Variants in PHACTR2 observed in about 807,000 individuals in gnomAD.
The protein encoded by PHACTR2 is phosphatase and actin regulator 2.
In PHACTR2, 30 loss-of-function variants were observed where a neutral mutation model predicts 76.0. That is an observed-to-expected ratio of 0.39 (90% confidence interval 0.30 to 0.54). The LOEUF is 0.54. Ranked by LOEUF, PHACTR2 falls within the 20% of genes least tolerant of loss-of-function variation. The probability of loss-of-function intolerance (pLI) is 0.61; values close to 1 mark genes in which losing one functional copy is unlikely to be tolerated. For synonymous variants in PHACTR2, 292 were observed against 292.5 expected (o/e 1.00, Z 0.02); for missense variants, 696 against 781.1 (o/e 0.89, Z 1.30).
At chr6:143,725,421 C>T (rs1421218268) in intron 2 of PHACTR2, among the ~76,000 whole-genome samples, 5 of 149,634 alleles carry the variant, frequency 3.3e-5, no homozygotes, top group Admixed American at 6.6e-5. Flanking sequence ...AGGATGGTCT[C>T]GATCTCCTGA....
At chr6:143,718,453 C>T (rs1160517938) in intron 2 of PHACTR2, among the ~76,000 whole-genome samples, 4 of 152,208 alleles carry the variant, frequency 2.6e-5, no homozygotes, top group East Asian at 3.8e-4. Flanking sequence ...CCAGTACTTT[C>T]GACCATTCAC....
rs1157050398 is a variant in PHACTR2, at chr6:143,659,558, C to T, written c.13+51236C>T. ...GTGAGTGGGAGGTTGCCCTCTGTTC[C>T]TTGTCCTTTCCATGTGGCAGCTCAC... On this transcript the variant is annotated intron_variant, in intron 1 of 11. Coordinates refer to the PHACTR2 transcript ENST00000305766. The surrounding 1 kb of genome is among the most constrained non-coding windows in gnomAD (Gnocchi z 5.0). Among the ~76,000 whole-genome samples, 3 of 152,186 alleles carry T rather than the reference C, an allele frequency of 2.0e-5. No individual in the cohort carries two copies.
At chr6:143,810,831 CAA>C (rs750421924) in intron 12 of PHACTR2, among the ~76,000 whole-genome samples, 2 of 132,540 alleles carry the variant, frequency 1.5e-5, no homozygotes, top group Non-Finnish European at 1.6e-5. Flanking sequence ...GACCCTGTCT[CAA>C]AAAAAAAAAA....
At chr6:143,584,493 A>G (rs1341061458) in intron 1 of PHACTR2, among the ~76,000 whole-genome samples, 1 of 152,224 alleles carries the variant, frequency 6.6e-6, no homozygotes, top group African/African-American at 2.4e-5. Flanking sequence ...CCCTATAGTC[A>G]TGACATCAGA....
At chr6:143,604,743 G>A (rs573641031), upstream of PHACTR2, among the ~76,000 whole-genome samples, 78 of 151,938 alleles carry the variant, frequency 5.1e-4, no homozygotes, top group African/African-American at 1.8e-3. Context: ...TAGCCAGGCG[G>A]TGGTGATTAC....
chr6:143,607,756 C>T (rs1251143526), upstream of PHACTR2, among the ~76,000 whole-genome samples: 2 of 152,164 alleles, frequency 1.3e-5, no homozygotes, highest in East Asian at 3.9e-4. Context: ...TGCCTCCTCC[C>T]CCAACAACAA....
In PHACTR2 at chr6:143,616,496, C is replaced by T. The variant is rs918463161; in HGVS notation, c.13+8174C>T. ...CATTTGTACCTTCATTCTTGCTGTT[C>T]TTCCCACCTAGAACGCCTTCTCCTC... On this transcript the variant is annotated intron_variant, in intron 1 of 11. Transcript: ENST00000305766. The surrounding 1 kb of genome is among the most constrained non-coding windows in gnomAD (Gnocchi z 4.9). Among the ~76,000 whole-genome samples, 2 of 152,148 alleles carry T rather than the reference C, an allele frequency of 1.3e-5. No individual in the cohort carries two copies. Among genetic ancestry groups the T allele is most frequent in the Admixed American group, 1.3e-4 (2 of 15,266 alleles).
rs932052433 is a variant in PHACTR2 at position 143,739,820 on chromosome 6, C to T, written c.215-9165C>T. Among the ~76,000 whole-genome samples the T allele has an allele frequency of 6.6e-6, 1 of 152,148 alleles. No individual in the cohort carries two copies. Among genetic ancestry groups the T allele is most frequent in the Non-Finnish European group, 1.5e-5 (1 of 68,022 alleles). Reference sequence around the variant, plus strand: ...CATGTCCATTCCCTTCTGCTGTTTGCGCAGGTCTAAGACAATCACCTCTTC... The same window carrying T: ...CATGTCCATTCCCTTCTGCTGTTTGTGCAGGTCTAAGACAATCACCTCTTC... On this transcript the variant is annotated intron_variant, in intron 2 of 12. Coordinates refer to ENST00000440869, the MANE Select transcript of PHACTR2 (RefSeq NM_001100164.2). The surrounding 1 kb of genome is among the most constrained non-coding windows in gnomAD (Gnocchi z 4.3).
At position 143,772,988 on chromosome 6, in the gene PHACTR2, G is replaced by A. The variant is rs1299548019; in HGVS notation, c.1432+531G>A. Among the ~76,000 whole-genome samples, 1 of 152,234 alleles carries A rather than the reference G, an allele frequency of 6.6e-6. No homozygotes were observed. The highest frequency in any genetic ancestry group is 6.5e-5 in the Admixed American group (1 of 15,288). ...CTAATTTTGGGAGGCTAACGTGGGT[G>A]AATCCCTTGAGGTCAGGAGTTCGAG... is the stretch of plus-strand genomic sequence containing the variant. On this transcript the variant is annotated intron_variant, in intron 7 of 12. Coordinates refer to ENST00000440869, the MANE Select transcript of PHACTR2 (RefSeq NM_001100164.2). This position sits in a 1 kb window ranked among gnomAD's most constrained non-coding sequence, Gnocchi z 5.4.
chr6:143,706,241 T>C (rs1471545214), intron 1 of PHACTR2, among the ~76,000 whole-genome samples: 2 of 152,144 alleles, frequency 1.3e-5, no homozygotes, highest in Non-Finnish European at 2.9e-5. Context: ...AGCAGCCTTT[T>C]CTGTAAGGAG....
intron 1 of PHACTR2, among the ~76,000 whole-genome samples, chr6:143,628,790 C>T (rs1393031689): frequency 6.6e-6 from 1 of 151,538 alleles, no homozygotes; most frequent in East Asian, 1.9e-4. Context: ...GTTTACCCTA[C>T]CCATGGTCTT....
chr6:143,814,712 C>T (rs1211810005), intron 12 of PHACTR2, among the ~76,000 whole-genome samples: 1 of 151,534 alleles, frequency 6.6e-6, no homozygotes, highest in Non-Finnish European at 1.5e-5. Context: ...ACGCCATTCT[C>T]CTGCCTCAGC....
Position 143,712,105 on chromosome 6 carries a change from TC to T in PHACTR2, c.138del (p.Thr47ProfsTer27), listed in dbSNP as rs1361196574. 2 of 1,594,576 alleles carry T rather than the reference TC, an allele frequency of 1.3e-6. No individual in the cohort carries two copies. The highest frequency in any genetic ancestry group is 1.7e-6 in the Non-Finnish European group (2 of 1,173,402). ...TPPFKRKGKL[S>X]TIGKIFKPWK... is the part of the protein sequence containing the mutation. ...TCCCTTCAAAAGAAAGGGGAAACTA[TC>T]CACCATTGGTAAAATCTTTAAGCCT... On this transcript the variant is annotated frameshift_variant, in exon 2 of 13. Coordinates refer to ENST00000440869, the MANE Select transcript of PHACTR2 (RefSeq NM_001100164.2). LOFTEE classifies it high-confidence loss of function.
At chr6:143,740,640 C>A (rs11155321) in intron 2 of PHACTR2, among the ~76,000 whole-genome samples, 2 of 151,738 alleles carry the variant, frequency 1.3e-5, no homozygotes, top group African/African-American at 2.4e-5. Flanking sequence ...AGTTGGGAGG[C>A]GGGGTGAGAG....
chr6:143,638,461 C>T (rs1776504578), intron 1 of PHACTR2, among the ~76,000 whole-genome samples: 2 of 151,710 alleles, frequency 1.3e-5, no homozygotes, highest in Non-Finnish European at 2.9e-5. Flanking sequence ...GGGAGGATTG[C>T]TTGAGCCCAG....
Position 143,578,461 on chromosome 6 carries a change from C to T in PHACTR2, c.217+41254C>T, listed in dbSNP as rs1775536758. ...GCCATGGAAGGATGTGTAGGTTGTT[C>T]ACTGCTCAAGAGCATTGACTGTGGG... is the stretch of plus-strand genomic sequence containing the variant. On this transcript the variant is annotated intron_variant, in intron 1 of 11. Transcript: ENST00000367584. The surrounding 1 kb of genome is among the most constrained non-coding windows in gnomAD (Gnocchi z 4.5). Among the ~76,000 whole-genome samples the T allele has an allele frequency of 6.6e-6, 1 of 152,162 alleles. No homozygotes were observed. The highest frequency in any genetic ancestry group is 2.4e-5 in the African/African-American group (1 of 41,438).
At chr6:143,628,909 T>A (rs1326668228) in intron 1 of PHACTR2, among the ~76,000 whole-genome samples, 1 of 131,292 alleles carries the variant, frequency 7.6e-6, no homozygotes, top group East Asian at 2.5e-4. Context: ...AGAAGATGAA[T>A]GTTTAAATGC....
intron 1 of PHACTR2, among the ~76,000 whole-genome samples, chr6:143,632,478 T>TA (rs1186196158): frequency 6.6e-6 from 1 of 152,124 alleles, no homozygotes; most frequent in Non-Finnish European, 1.5e-5. Flanking sequence ...TACAGCAACA[T>TA]AAAGAGCAAA....
intron 9 of PHACTR2, among the ~76,000 whole-genome samples, chr6:143,779,718 G>C (rs1246426356): frequency 2.0e-5 from 3 of 151,874 alleles, no homozygotes; most frequent in Non-Finnish European, 4.4e-5. Context: ...AATTTTTAGA[G>C]CCCATCACTA....
Sources: allele counts gnomAD v4.1 joint callset (sites outside exome capture counted in the v4.1 genomes callset), GRCh38; gene constraint gnomAD v4.1.1; non-coding constraint Gnocchi (gnomAD v3.1); transcripts MANE v1.5; gene names NCBI Gene and HGNC (gene_info 2026-07-23, HGNC 2026-07-21).